DCK: variants seen among roughly 807,000 people sequenced by gnomAD.
DCK encodes the protein deoxycytidine kinase.
DCK carries 23 observed loss-of-function variants against 38.3 expected under a neutral mutation model. That is an observed-to-expected ratio of 0.60 (90% CI 0.43 to 0.85). The LOEUF (loss-of-function observed/expected upper bound fraction) is 0.85. DCK is among the 40% of genes least tolerant of loss of function. The pLI, the probability that DCK is intolerant of heterozygous loss-of-function variation, is 0.00. For synonymous variants in DCK, 108 were observed against 100.6 expected (o/e 1.07, Z -0.44); for missense variants, 259 against 304.4 (o/e 0.85, Z 1.11).
chr4:70,994,189 T>G (rs906785290), intron 1 of DCK, among the ~76,000 whole-genome samples: 1 of 152,190 alleles, frequency 6.6e-6, no homozygotes, highest in Admixed American at 6.5e-5. Flanking sequence ...TGCTCCCTCT[T>G]TGTTGGGAAC....
intron 2 of DCK, among the ~76,000 whole-genome samples, chr4:71,000,060 A>G (rs1739763918): frequency 6.6e-6 from 1 of 152,030 alleles, no homozygotes; most frequent in Non-Finnish European, 1.5e-5. Context: ...GCTTTTGTTA[A>G]CACTGCTTTT....
intron 2 of DCK, among the ~76,000 whole-genome samples, chr4:71,021,322 G>A (rs1295710233): frequency 1.3e-5 from 2 of 152,038 alleles, no homozygotes; most frequent in East Asian, 3.9e-4. Flanking sequence ...TGATCCACCC[G>A]CCTCGGCCTC....
rs1200554300 is a variant in DCK at position 70,996,136 on chromosome 4, ATG to A, written c.92-1928_92-1927del. On this transcript the variant is annotated intron_variant, in intron 1 of 6. Coordinates refer to ENST00000286648, the MANE Select transcript of DCK (RefSeq NM_000788.3). The stretch of plus-strand genomic sequence containing the variant: ...ATGCTGATGTGGGAGGATCACTTGA[ATG>A]TGGGAGGCAGAAGTTGCAGTGAGCT... 2.6e-5 allele frequency among the ~76,000 whole-genome samples: 4 copies of A among 152,026 alleles called. No homozygotes were observed. The East Asian group carries it at 7.7e-4, about 29-fold the overall frequency.
intron 2 of DCK, among the ~76,000 whole-genome samples, chr4:71,003,549 T>C (rs1260326651): frequency 2.0e-5 from 3 of 152,238 alleles, no homozygotes; most frequent in Admixed American, 6.5e-5. Context: ...TCCTGAAATG[T>C]GTTTTCCAAC....
intron 4 of DCK, 70 bp from the exon 5 acceptor site, chr4:71,025,746 A>C: frequency 1.3e-6 from 2 of 1,483,108 alleles, no homozygotes; most frequent in South Asian, 3.1e-5. Flanking sequence ...AGAAAAGAAA[A>C]TTTTGATGGC....
At chr4:71,004,405 G>A (rs534389573) in intron 2 of DCK, among the ~76,000 whole-genome samples, 14 of 152,318 alleles carry the variant, frequency 9.2e-5, no homozygotes, top group Non-Finnish European at 1.8e-4. Context: ...ACCCCTGCTG[G>A]GAGCTGTGTC....
Position 71,029,535 on chromosome 4 carries a change from C to T in DCK, c.*157C>T. The T allele has an allele frequency of 3.3e-6, 2 of 606,904 alleles. No homozygotes were observed. The highest frequency in any genetic ancestry group is 2.9e-6 in the Non-Finnish European group (1 of 339,446). 37.6% of individuals were successfully genotyped at this position (606,904 alleles called of 1,614,324 possible). A position where few individuals can be genotyped will look rare whatever the true frequency, so the allele number is the denominator to read the frequency against. ...TTTTTAAAATGAATCTTATGCAAAA[C>T]TTTTTGACCAGTTTCTTTTCTTTTG... On this transcript the variant is annotated 3_prime_UTR_variant, in exon 7 of 7. Coordinates refer to ENST00000286648, the MANE Select transcript of DCK (RefSeq NM_000788.3).
intron 5 of DCK, 48 bp downstream of exon 5, chr4:71,025,979 T>C (rs1337339378): frequency 1.4e-6 from 2 of 1,459,158 alleles, no homozygotes; most frequent in Non-Finnish European, 9.0e-7. Context: ...CTTTGTTACC[T>C]TTGTTAAATT....
chr4:70,999,160 C>G (rs965706897), intron 2 of DCK, among the ~76,000 whole-genome samples: 2 of 152,094 alleles, frequency 1.3e-5, no homozygotes, highest in African/African-American at 2.4e-5. Flanking sequence ...CTAATGCTAA[C>G]CCTTCCCTTG....
chr4:70,996,095 A>G (rs1028006227), intron 1 of DCK, among the ~76,000 whole-genome samples: 4 of 152,058 alleles, frequency 2.6e-5, no homozygotes, highest in African/African-American at 7.2e-5. Flanking sequence ...TGTAGCTCCA[A>G]CTACTCAGGC....
chr4:71,014,589 CG>C (rs1262275433), intron 2 of DCK, among the ~76,000 whole-genome samples: 19 of 40,658 alleles, frequency 4.7e-4, no homozygotes, highest in Non-Finnish European at 3.1e-3. Context: ...ACAGTGCAAT[CG>C]AACCTAGAAC....
At chr4:71,021,519 T>A (rs1180182284) in intron 2 of DCK, among the ~76,000 whole-genome samples, 2 of 152,196 alleles carry the variant, frequency 1.3e-5, no homozygotes, top group Non-Finnish European at 2.9e-5. Context: ...TATTGTATTA[T>A]ATTAGAAGAT....
intron 2 of DCK, among the ~76,000 whole-genome samples, chr4:71,006,831 T>A (rs1739957899): frequency 6.6e-6 from 1 of 151,948 alleles, no homozygotes; most frequent in Admixed American, 6.6e-5. Flanking sequence ...TTGAAAGCAG[T>A]AAGGCAGAAA....
At chr4:71,014,317 A>G (rs1740194784) in intron 2 of DCK, among the ~76,000 whole-genome samples, 1 of 152,126 alleles carries the variant, frequency 6.6e-6, no homozygotes, top group Admixed American at 6.5e-5. Context: ...CACAATAATA[A>G]TGGGAGACTT....
intron 2 of DCK, 90 bp downstream of exon 2, chr4:70,998,272 A>C: frequency 1.7e-6 from 1 of 593,040 alleles, no homozygotes; most frequent in South Asian, 2.8e-5. Context: ...TTTCAATAAA[A>C]CTTTCAAATC....
intron 2 of DCK, among the ~76,000 whole-genome samples, chr4:71,010,148 T>C (rs768449965): frequency 1.3e-5 from 2 of 150,288 alleles, no homozygotes; most frequent in Non-Finnish European, 2.9e-5. Context: ...CCCATATGCT[T>C]AGCTTTTGCT....
intron 2 of DCK, among the ~76,000 whole-genome samples, chr4:70,999,183 C>T (rs1292499368): frequency 6.6e-6 from 1 of 152,082 alleles, no homozygotes; most frequent in East Asian, 1.9e-4. Context: ...TCCTACCCCA[C>T]CGACAGGCCC....
intron 2 of DCK, among the ~76,000 whole-genome samples, chr4:71,007,710 G>A (rs1418831955): frequency 6.6e-6 from 1 of 152,018 alleles, no homozygotes; most frequent in African/African-American, 2.4e-5. Flanking sequence ...ATTGAATTTT[G>A]TTTTTTAAAA....
intron 2 of DCK, among the ~76,000 whole-genome samples, chr4:71,001,376 G>T (rs1739797515): frequency 6.6e-6 from 1 of 152,150 alleles, no homozygotes; most frequent in African/African-American, 2.4e-5. Context: ...ATGTGCTACT[G>T]GATTCGGTTT....
Sources: allele counts gnomAD v4.1 joint callset (sites outside exome capture counted in the v4.1 genomes callset), GRCh38; gene constraint gnomAD v4.1.1; transcripts MANE v1.5; gene names NCBI Gene and HGNC (gene_info 2026-07-23, HGNC 2026-07-21).